FSTL4: variants seen among roughly 807,000 people sequenced by gnomAD.
The protein encoded by FSTL4 is follistatin like 4.
In FSTL4, 28 loss-of-function variants were observed where a neutral mutation model predicts 78.2. That is an observed-to-expected ratio of 0.36 (90% CI 0.27 to 0.49). The LOEUF is 0.49. FSTL4 is among the 20% of genes least tolerant of loss of function. The pLI is 0.98. For synonymous variants in FSTL4, 422 were observed against 440.5 expected (o/e 0.96, Z 0.53); for missense variants, 922 against 1,084.9 (o/e 0.85, Z 2.11).
At chr5:133,820,187 A>G in the FSTL4 span, among the ~76,000 whole-genome samples, 1 of 152,018 alleles carries the variant, frequency 6.6e-6, no homozygotes, top group Non-Finnish European at 1.5e-5. Context: ...GTCCTTCCCC[A>G]CAGAGCAGCA....
intron 3 of FSTL4, among the ~76,000 whole-genome samples, chr5:133,430,143 A>C (rs1412090839): frequency 2.0e-5 from 3 of 152,216 alleles, no homozygotes; most frequent in Non-Finnish European, 4.4e-5. Context: ...TTGGGTGTGG[A>C]ATGTAAGTTG....
At chr5:133,412,417 T>G (rs1162263725) in intron 3 of FSTL4, among the ~76,000 whole-genome samples, 1 of 152,194 alleles carries the variant, frequency 6.6e-6, no homozygotes, top group Non-Finnish European at 1.5e-5. Context: ...GGGAAAATGA[T>G]AGCTCTCTGA....
chr5:133,331,450 A>G (rs549594366), intron 4 of FSTL4, among the ~76,000 whole-genome samples: 1 of 152,322 alleles, frequency 6.6e-6, no homozygotes, highest in Non-Finnish European at 1.5e-5. Flanking sequence ...GTCTCCAGGA[A>G]GGAACTCCCC....
At chr5:133,324,724 G>C (rs1580617625) in intron 4 of FSTL4, among the ~76,000 whole-genome samples, 1 of 152,248 alleles carries the variant, frequency 6.6e-6, no homozygotes, top group Non-Finnish European at 1.5e-5. Context: ...GACTGTGGAA[G>C]ACAGGTGGCA....
At chr5:133,722,599 C>G in the FSTL4 span, among the ~76,000 whole-genome samples, 1 of 152,160 alleles carries the variant, frequency 6.6e-6, no homozygotes, top group East Asian at 1.9e-4. Flanking sequence ...CATACATTTT[C>G]ATTTATTTGG....
chr5:133,434,713 T>G (rs1757004094), intron 3 of FSTL4, among the ~76,000 whole-genome samples: 1 of 152,214 alleles, frequency 6.6e-6, no homozygotes, highest in Admixed American at 6.5e-5. Flanking sequence ...ACAGAGTTGG[T>G]GCCATTTTAT....
At position 133,343,487 on chromosome 5, in the gene FSTL4, C is replaced by T. The variant is rs73263713; in HGVS notation, c.410-26835G>A. ...ATACAGAGGACTTTTCAAAACACTGCGGCATCCTTCTGAACCCTGGGGCTT... is the reference window on the plus strand; with the variant it reads ...ATACAGAGGACTTTTCAAAACACTGTGGCATCCTTCTGAACCCTGGGGCTT... On this transcript the variant is annotated intron_variant, in intron 4 of 15. Coordinates refer to ENST00000265342, the MANE Select transcript of FSTL4 (RefSeq NM_015082.2). Among the ~76,000 whole-genome samples the T allele has an allele frequency of 3.4e-3, 512 of 152,318 alleles. 2 individuals are homozygous for T. Among genetic ancestry groups the T allele is most frequent in the African/African-American group, 0.011 (453 of 41,570 alleles).
intron 3 of FSTL4, among the ~76,000 whole-genome samples, chr5:133,435,128 CT>C (rs1386207578): frequency 6.6e-6 from 1 of 152,104 alleles, no homozygotes; most frequent in Non-Finnish European, 1.5e-5. Flanking sequence ...TTGTATCTTC[CT>C]TTTTTATGTG....
chr5:133,396,186 C>T (rs1756039669), intron 4 of FSTL4, among the ~76,000 whole-genome samples: 1 of 152,202 alleles, frequency 6.6e-6, no homozygotes, highest in Non-Finnish European at 1.5e-5. Context: ...TGCATCTGCT[C>T]CTTGAATAAG....
At chr5:133,776,512 C>A in the FSTL4 span, among the ~76,000 whole-genome samples, 47 of 152,248 alleles carry the variant, frequency 3.1e-4, no homozygotes, top group Non-Finnish European at 6.2e-4. Context: ...TCTAAATAGC[C>A]CCTTCTTTAA....
chr5:133,803,091 A>G, the FSTL4 span, among the ~76,000 whole-genome samples: 1 of 152,212 alleles, frequency 6.6e-6, no homozygotes. Flanking sequence ...CAGAACCAAG[A>G]GAAGGAGGAG....
intron 2 of FSTL4, among the ~76,000 whole-genome samples, chr5:133,568,332 TACC>T (rs1760074976): frequency 6.6e-6 from 1 of 152,206 alleles, no homozygotes; most frequent in South Asian, 2.1e-4. Context: ...AAACTGGGAC[TACC>T]ACCTCAACAC....
chr5:133,224,747 T>A (rs781717395), intron 10 of FSTL4, among the ~76,000 whole-genome samples: 13 of 152,204 alleles, frequency 8.5e-5, no homozygotes, highest in Non-Finnish European at 1.8e-4. Context: ...GCTGGACCCC[T>A]AGTGTAAAGG....
intron 7 of FSTL4, among the ~76,000 whole-genome samples, chr5:133,242,085 C>T (rs902652947): frequency 6.6e-6 from 1 of 152,194 alleles, no homozygotes; most frequent in Non-Finnish European, 1.5e-5. Flanking sequence ...TGCATCACTT[C>T]CGAGAACTTA....
In FSTL4 at chr5:133,312,635, C is replaced by A; in HGVS notation, c.727+19G>T. 6.2e-7 allele frequency: 1 copy of A among 1,613,152 alleles called. No homozygotes were observed. Among genetic ancestry groups the A allele is most frequent in the Non-Finnish European group, 8.5e-7 (1 of 1,179,446 alleles). ...GCACCTGCAGAAATAAGCCCTTTTC[C>A]CACTGGGACCCAACTTACGGAAGGC... On this transcript the variant is annotated intron_variant, in intron 6 of 15. Transcript: ENST00000265342.
chr5:133,651,878 G>T, the FSTL4 span, among the ~76,000 whole-genome samples: 11 of 152,146 alleles, frequency 7.2e-5, no homozygotes, highest in African/African-American at 2.6e-4. Flanking sequence ...TTCCTTAAAT[G>T]TTTGATAGAA....
chr5:133,305,556 C>T (rs965239482), intron 6 of FSTL4, among the ~76,000 whole-genome samples: 2 of 152,164 alleles, frequency 1.3e-5, no homozygotes, highest in Admixed American at 6.5e-5. Flanking sequence ...GCACCCAGGA[C>T]GCTCTCTCTC....
At chr5:133,802,075 C>T in the FSTL4 span, among the ~76,000 whole-genome samples, 1 of 152,198 alleles carries the variant, frequency 6.6e-6, no homozygotes, top group Non-Finnish European at 1.5e-5. Context: ...CTTCAGAGCA[C>T]TTAGCTCATT....
intron 3 of FSTL4, among the ~76,000 whole-genome samples, chr5:133,488,479 C>A (rs1026180980): frequency 2.0e-5 from 3 of 152,184 alleles, no homozygotes; most frequent in African/African-American, 4.8e-5. Context: ...GTTTCTAACT[C>A]CTGACCTCAA....
Sources: gnomAD v4.1 joint callset for allele counts (sites outside exome capture counted in the v4.1 genomes callset) on GRCh38, gnomAD v4.1.1 for gene constraint, MANE v1.5 for transcripts, NCBI Gene and HGNC (gene_info 2026-07-23, HGNC 2026-07-21) for gene names.